The following PALLD variants were observed in gnomAD, a reference collection of about 807,000 sequenced individuals.
PALLD encodes the protein palladin.
A neutral mutation model predicts 123.5 loss-of-function variants in PALLD; 61 were observed. The ratio of observed to expected loss-of-function variants is 0.49; its 90% CI spans 0.40 to 0.61. The LOEUF is 0.61. Ranked by LOEUF, PALLD falls within the 20% of genes least tolerant of loss-of-function variation. The pLI, the probability that PALLD is intolerant of heterozygous loss-of-function variation, is 0.00. For missense variants in PALLD, 1,273 were observed against 1,377.0 expected (o/e 0.92, Z 1.20); for synonymous variants, 465 against 496.4 (o/e 0.94, Z 0.84).
chr4:168,679,281 G>A (rs1441817686), intron 3 of PALLD, among the ~76,000 whole-genome samples: 3 of 87,040 alleles, frequency 3.4e-5, no homozygotes, highest in Non-Finnish European at 4.6e-5. Flanking sequence ...GTGGTGGGGT[G>A]AGTATGGATG....
intron 10 of PALLD, among the ~76,000 whole-genome samples, chr4:168,779,353 G>A (rs1455437450): frequency 6.6e-6 from 1 of 151,958 alleles, no homozygotes; most frequent in East Asian, 1.9e-4. Flanking sequence ...TTACTCCTTT[G>A]TTCTTCAGGA....
chr4:168,817,120 C>T (rs1742081373), intron 10 of PALLD, among the ~76,000 whole-genome samples: 1 of 152,132 alleles, frequency 6.6e-6, no homozygotes, highest in Non-Finnish European at 1.5e-5. Context: ...TATCTCTGGT[C>T]TTTCAGCTGG....
intron 2 of PALLD, among the ~76,000 whole-genome samples, chr4:168,582,150 T>C (rs1770352094): frequency 6.6e-6 from 1 of 152,132 alleles, no homozygotes; most frequent in Admixed American, 6.6e-5. Context: ...ACTGCTCTCA[T>C]TACTGTTTTA....
chr4:168,896,458 A>G (rs1755193765), intron 12 of PALLD, 91 bp from the exon 13 acceptor site: 1 of 774,826 alleles, frequency 1.3e-6, no homozygotes, highest in Admixed American at 2.0e-5. Flanking sequence ...TATTGCTAGC[A>G]CAAAAGTTTC....
chr4:168,675,819 G>A lies in PALLD; in HGVS notation c.1088-5513G>A, dbSNP rs139443930. ...GCCTATAATCCCAGCACTTTGGGAG[G>A]CTGAGGCAGAAAAATCACTTAGTCC... On this transcript the variant is annotated intron_variant, in intron 3 of 21. Coordinates refer to ENST00000505667, the MANE Select transcript of PALLD (RefSeq NM_001166108.2). Among the ~76,000 whole-genome samples the A allele has an allele frequency of 2.3e-3, 348 of 152,312 alleles. 1 individual carries two copies. Among genetic ancestry groups the A allele is most frequent in the African/African-American group, 7.9e-3 (329 of 41,554 alleles).
intron 3 of PALLD, among the ~76,000 whole-genome samples, chr4:168,676,923 C>G (rs1780911365): frequency 6.6e-6 from 1 of 152,214 alleles, no homozygotes; most frequent in South Asian, 2.1e-4. Flanking sequence ...AAAGTCAAGG[C>G]AGGAGACTCA....
intron 2 of PALLD, among the ~76,000 whole-genome samples, chr4:168,515,948 G>C (rs1265070367): frequency 1.3e-5 from 2 of 152,130 alleles, no homozygotes. Context: ...CCCCACTCAG[G>C]GAAGAAGTAA....
intron 2 of PALLD, among the ~76,000 whole-genome samples, chr4:168,663,006 T>C (rs1219746137): frequency 6.6e-6 from 1 of 152,238 alleles, no homozygotes; most frequent in Admixed American, 6.5e-5. Flanking sequence ...CAGTTTGAGT[T>C]GGTGAAAGTC....
At chr4:168,850,542 T>TTTC (rs1747608798) in intron 10 of PALLD, among the ~76,000 whole-genome samples, 1 of 134,860 alleles carries the variant, frequency 7.4e-6, no homozygotes, top group African/African-American at 2.8e-5. Context: ...TTTTTTTTTT[T>TTTC]TTTTTTTTTG....
chr4:168,536,721 A>T (rs1765128851), intron 2 of PALLD: 1 of 151,916 alleles, frequency 6.6e-6, no homozygotes, highest in African/African-American at 2.4e-5. Context: ...TGATTCAATT[A>T]CCTCCACCTG....
chr4:168,537,782 T>G (rs1219879942), intron 2 of PALLD: 1 of 152,234 alleles, frequency 6.6e-6, no homozygotes, highest in Non-Finnish European at 1.5e-5. Context: ...TGGCTCAAAG[T>G]CAGACTACAA....
intron 1 of PALLD, among the ~76,000 whole-genome samples, chr4:168,498,143 T>C (rs59184276): frequency 0.3 from 45,980 of 152,026 alleles, 7,061 homozygotes; most frequent in African/African-American, 0.36. Flanking sequence ...TTTCAGATTT[T>C]TAAAATCAAA....
intron 2 of PALLD, among the ~76,000 whole-genome samples, chr4:168,526,985 CCCAAATGGTT>C (rs1180871924): frequency 6.6e-6 from 1 of 152,152 alleles, no homozygotes. Flanking sequence ...ACATCCATAT[CCCAAATGGTT>C]CCAGATCAGA....
intron 10 of PALLD, 78 bp downstream of exon 10, chr4:168,712,001 C>G (rs1784879610): frequency 1.6e-6 from 2 of 1,290,126 alleles, no homozygotes; most frequent in African/African-American, 2.9e-5. Context: ...AAAACTTTTG[C>G]CTGTATTCAA....
intron 2 of PALLD, among the ~76,000 whole-genome samples, chr4:168,599,082 T>C (rs1259649570): frequency 6.6e-6 from 1 of 152,188 alleles, no homozygotes. Context: ...TCTCCAAGCC[T>C]GATCCCCAAA....
At chr4:168,573,258 C>T (rs919328272) in intron 2 of PALLD, among the ~76,000 whole-genome samples, 14 of 152,040 alleles carry the variant, frequency 9.2e-5, no homozygotes, top group Middle Eastern at 3.4e-3. Flanking sequence ...TGAACACTCC[C>T]GCCAAAGGAT....
intron 10 of PALLD, among the ~76,000 whole-genome samples, chr4:168,851,239 C>T (rs969804591): frequency 4.6e-5 from 7 of 152,156 alleles, no homozygotes; most frequent in Non-Finnish European, 1.5e-5. Context: ...CTCCTCCATA[C>T]CCCCATAAAT....
intron 15 of PALLD, among the ~76,000 whole-genome samples, chr4:168,905,790 C>CTTTCTTTTT (rs1757627059): frequency 8.8e-6 from 1 of 113,096 alleles, no homozygotes. Flanking sequence ...GCTTTTTTTT[C>CTTTCTTTTT]TTTTTTTTTT....
intron 10 of PALLD, among the ~76,000 whole-genome samples, chr4:168,737,406 G>T (rs1419774613): frequency 6.6e-6 from 1 of 152,148 alleles, no homozygotes; most frequent in South Asian, 2.1e-4. Context: ...CAAGATTAAG[G>T]CACATTAGAA....
Sources: allele counts gnomAD v4.1 joint callset (sites outside exome capture counted in the v4.1 genomes callset), GRCh38; gene constraint gnomAD v4.1.1; transcripts MANE v1.5; gene names NCBI Gene and HGNC (gene_info 2026-07-23, HGNC 2026-07-21).